The following KCNK2 variants were observed in gnomAD, a reference collection of about 807,000 sequenced individuals.
KCNK2 encodes the protein potassium channel subfamily K member 2.
In KCNK2, 21 loss-of-function variants were observed where a neutral mutation model predicts 40.5. The observed-to-expected ratio is 0.52, with a 90% CI of 0.37 to 0.75. The LOEUF (loss-of-function observed/expected upper bound fraction) is 0.75, where lower values mean the gene tolerates loss of function less well. Ranked by LOEUF, KCNK2 falls within the 30% of genes least tolerant of loss-of-function variation. KCNK2 has a pLI of 0.00. For missense variants in KCNK2, 399 were observed against 531.6 expected (o/e 0.75, Z 2.45); for synonymous variants, 191 against 202.2 (o/e 0.94, Z 0.47).
intron 3 of KCNK2, among the ~76,000 whole-genome samples, chr1:215,156,252 A>T (rs770882739): frequency 5.9e-5 from 9 of 152,198 alleles, no homozygotes; most frequent in Non-Finnish European, 1.3e-4. Flanking sequence ...GATCATAAAA[A>T]TGCCTGTTCA....
intron 1 of KCNK2, among the ~76,000 whole-genome samples, chr1:215,042,335 T>G (rs1657599072): frequency 6.6e-6 from 1 of 152,168 alleles, no homozygotes; most frequent in Admixed American, 6.5e-5. Context: ...TTTGTAGATG[T>G]GGGTTGCCCA....
intron 6 of KCNK2, among the ~76,000 whole-genome samples, chr1:215,233,058 A>C (rs1301052237): frequency 6.6e-6 from 1 of 152,190 alleles, no homozygotes; most frequent in Non-Finnish European, 1.5e-5. Context: ...CATGTTTAGT[A>C]ATCAGTTCTA....
intron 1 of KCNK2, among the ~76,000 whole-genome samples, chr1:215,061,966 GATTA>G (rs1250588564): frequency 6.6e-6 from 1 of 152,006 alleles, no homozygotes; most frequent in African/African-American, 2.4e-5. Flanking sequence ...ATTATAGATT[GATTA>G]ATTAAACACA....
intron 6 of KCNK2, among the ~76,000 whole-genome samples, chr1:215,219,147 C>T (rs1489000871): frequency 6.6e-6 from 1 of 152,154 alleles, no homozygotes; most frequent in Non-Finnish European, 1.5e-5. Context: ...GAAAGAAGTA[C>T]ATCTTTGATT....
chr1:215,169,911 G>A (rs1663624268), intron 4 of KCNK2, among the ~76,000 whole-genome samples: 1 of 152,128 alleles, frequency 6.6e-6, no homozygotes, highest in Non-Finnish European at 1.5e-5. Context: ...CTCCCAAAGT[G>A]CTGGGATTAC....
chr1:215,006,070 A>G (rs1571840032), intron 1 of KCNK2: 5 of 879,212 alleles, frequency 5.7e-6, no homozygotes, highest in East Asian at 2.6e-5. Flanking sequence ...ATGAAAGTCT[A>G]TAATTAAACT....
chr1:215,078,159 T>C (rs923520593), upstream of KCNK2, among the ~76,000 whole-genome samples: 1 of 152,172 alleles, frequency 6.6e-6, no homozygotes, highest in African/African-American at 2.4e-5. Context: ...TTTAAGAAAG[T>C]TTATGAATTT....
At chr1:215,209,987 T>C (rs1310914725) in intron 6 of KCNK2, among the ~76,000 whole-genome samples, 1 of 3,228 alleles carries the variant, frequency 3.1e-4, no homozygotes, top group African/African-American at 4.6e-4. Context: ...ATATTATATA[T>C]AATATATAAT....
At chr1:215,209,789 T>C (rs191792601) in intron 6 of KCNK2, among the ~76,000 whole-genome samples, 694 of 15,122 alleles carry the variant, frequency 0.046, no homozygotes, top group Non-Finnish European at 0.066. Flanking sequence ...AAATATATAT[T>C]ATATATAAAA....
At chr1:215,121,349 A>G (rs1473487347) in intron 2 of KCNK2, among the ~76,000 whole-genome samples, 1 of 152,144 alleles carries the variant, frequency 6.6e-6, no homozygotes, top group African/African-American at 2.4e-5. Context: ...GAGCATGATC[A>G]CAGCTCAGTG....
intron 6 of KCNK2, among the ~76,000 whole-genome samples, chr1:215,212,932 T>C (rs1439661644): frequency 7.2e-5 from 11 of 152,238 alleles, no homozygotes; most frequent in African/African-American, 2.7e-4. Flanking sequence ...GTACTGATGC[T>C]ATTTCTGGCA....
At chr1:215,130,300 T>C (rs4269745) in intron 3 of KCNK2, among the ~76,000 whole-genome samples, 116,788 of 152,056 alleles carry the variant, frequency 0.77, 45,165 homozygotes, top group Non-Finnish European at 0.79. Flanking sequence ...GGTAGTATGG[T>C]GGGGGAAGCT....
chr1:215,085,610 T>G (rs1659397198), intron 1 of KCNK2, among the ~76,000 whole-genome samples: 1 of 152,192 alleles, frequency 6.6e-6, no homozygotes, highest in Non-Finnish European at 1.5e-5. Context: ...ATTGTTCACA[T>G]TTGAAAAGGA....
chr1:215,032,797 T>C (rs1657251644), intron 1 of KCNK2, among the ~76,000 whole-genome samples: 1 of 152,146 alleles, frequency 6.6e-6, no homozygotes, highest in Non-Finnish European at 1.5e-5. Flanking sequence ...CTCTATCCTC[T>C]CTAAGAATTT....
At chr1:215,234,804 C>G in intron 6 of KCNK2, 24 bp from the exon 7 acceptor site, 1 of 1,575,384 alleles carries the variant, frequency 6.3e-7, no homozygotes, top group Non-Finnish European at 8.7e-7. Flanking sequence ...ATATCTTTAT[C>G]TTTTCTCTGC....
chr1:215,144,079 T>A (rs908569216), intron 3 of KCNK2, among the ~76,000 whole-genome samples: 1 of 152,190 alleles, frequency 6.6e-6, no homozygotes, highest in Non-Finnish European at 1.5e-5. Context: ...AAACCTTGTA[T>A]GATATTTAGG....
At chr1:215,126,811 G>C (rs1307413397) in intron 3 of KCNK2, among the ~76,000 whole-genome samples, 1 of 152,118 alleles carries the variant, frequency 6.6e-6, no homozygotes, top group Non-Finnish European at 1.5e-5. Flanking sequence ...ATCTCCTACT[G>C]TTCTATCTCA....
At chr1:215,221,579 G>A (rs980999748) in intron 6 of KCNK2, among the ~76,000 whole-genome samples, 14 of 151,978 alleles carry the variant, frequency 9.2e-5, no homozygotes, top group Admixed American at 4.6e-4. Context: ...CTATTAAGTG[G>A]AAATGAACCA....
At chr1:215,160,120 A>G (rs1018233462) in intron 3 of KCNK2, among the ~76,000 whole-genome samples, 1 of 152,194 alleles carries the variant, frequency 6.6e-6, no homozygotes, top group African/African-American at 2.4e-5. Flanking sequence ...AGACAGTTGG[A>G]AGAATTTGAA....
Sources: gnomAD v4.1 joint callset for allele counts (sites outside exome capture counted in the v4.1 genomes callset) on GRCh38, gnomAD v4.1.1 for gene constraint, MANE v1.5 for transcripts, NCBI Gene and HGNC (gene_info 2026-07-23, HGNC 2026-07-21) for gene names.